The following PPP2R5E variants were observed in gnomAD, a reference collection of about 807,000 sequenced individuals.
The protein encoded by PPP2R5E is protein phosphatase 2 regulatory subunit B'epsilon.
PPP2R5E carries 4 observed loss-of-function variants against 65.3 expected under a neutral mutation model. The ratio of observed to expected loss-of-function variants is 0.06; its 90% CI spans 0.03 to 0.14. The LOEUF (loss-of-function observed/expected upper bound fraction) is 0.14. Ranked by LOEUF, PPP2R5E falls within the 10% of genes least tolerant of loss-of-function variation. PPP2R5E has a pLI of 1.00. For missense variants in PPP2R5E, 274 were observed against 556.1 expected (o/e 0.49, Z 5.10); for synonymous variants, 183 against 187.4 (o/e 0.98, Z 0.19).
chr14:63,381,223 T>G (rs916127324), intron 13 of PPP2R5E, among the ~76,000 whole-genome samples: 3 of 152,242 alleles, frequency 2.0e-5, no homozygotes, highest in African/African-American at 7.2e-5. Context: ...CCATATGGTC[T>G]CAAACATTTC....
At chr14:63,385,823 C>G (rs1035007554) in intron 11 of PPP2R5E, among the ~76,000 whole-genome samples, 1 of 152,176 alleles carries the variant, frequency 6.6e-6, no homozygotes, top group African/African-American at 2.4e-5. Context: ...TTTCTGGTCC[C>G]TTCCTGTGCA....
At chr14:63,387,013 G>C (rs948598588) in intron 11 of PPP2R5E, among the ~76,000 whole-genome samples, 1 of 152,084 alleles carries the variant, frequency 6.6e-6, no homozygotes, top group Non-Finnish European at 1.5e-5. Context: ...ATTCCAGGTA[G>C]AGGGCATTAA....
At chr14:63,421,931 C>A in intron 4 of PPP2R5E, 62 bp downstream of exon 4, 1 of 1,300,736 alleles carries the variant, frequency 7.7e-7, no homozygotes, top group Non-Finnish European at 1.1e-6. Flanking sequence ...AAGGAATTCC[C>A]ATGCTAATCA....
chr14:63,519,413 C>G (rs769489529), intron 2 of PPP2R5E, among the ~76,000 whole-genome samples: 14 of 151,322 alleles, frequency 9.3e-5, no homozygotes, highest in Non-Finnish European at 1.9e-4. Context: ...TGCAGTGGTA[C>G]GATCTCTGCT....
chr14:63,507,826 C>T (rs1486974625), intron 2 of PPP2R5E, among the ~76,000 whole-genome samples: 4 of 152,098 alleles, frequency 2.6e-5, no homozygotes, highest in Admixed American at 6.5e-5. Context: ...GATCCGCCCA[C>T]CTCGGCCTCC....
chr14:63,473,878 A>G (rs1321282532), intron 2 of PPP2R5E, among the ~76,000 whole-genome samples: 1 of 152,244 alleles, frequency 6.6e-6, no homozygotes, highest in Non-Finnish European at 1.5e-5. Context: ...TGAAAAGAAA[A>G]TAGTGAAAGG....
At chr14:63,499,671 G>A (rs1432120428) in intron 2 of PPP2R5E, among the ~76,000 whole-genome samples, 1 of 151,844 alleles carries the variant, frequency 6.6e-6, no homozygotes, top group Non-Finnish European at 1.5e-5. Context: ...AGGTTGTACT[G>A]AGCTGAGATC....
intron 11 of PPP2R5E, among the ~76,000 whole-genome samples, chr14:63,386,352 A>G (rs896571971): frequency 2.0e-5 from 3 of 152,150 alleles, no homozygotes; most frequent in African/African-American, 7.2e-5. Context: ...TTACTTTTCT[A>G]TTTTGTGGAT....
At chr14:63,385,170 AC>A (rs780770733) in intron 11 of PPP2R5E, among the ~76,000 whole-genome samples, 5 of 152,048 alleles carry the variant, frequency 3.3e-5, no homozygotes, top group Non-Finnish European at 5.9e-5. Context: ...CTACAAAAAC[AC>A]AAAAATTAGC....
intron 3 of PPP2R5E, among the ~76,000 whole-genome samples, chr14:63,443,872 A>G (rs1376889295): frequency 1.3e-5 from 2 of 152,166 alleles, no homozygotes; most frequent in African/African-American, 4.8e-5. Flanking sequence ...TTTACCTCCT[A>G]GGTGAATCTC....
At chr14:63,499,597 C>T (rs1037603279) in intron 2 of PPP2R5E, among the ~76,000 whole-genome samples, 14 of 152,164 alleles carry the variant, frequency 9.2e-5, no homozygotes, top group African/African-American at 1.9e-4. Flanking sequence ...GGTGGCACTG[C>T]GTGCCTGTAA....
intron 2 of PPP2R5E, among the ~76,000 whole-genome samples, chr14:63,475,046 A>G (rs1407776806): frequency 6.6e-6 from 1 of 152,256 alleles, no homozygotes; most frequent in Non-Finnish European, 1.5e-5. Context: ...TGTGACATGC[A>G]GGTGGCCCTG....
chr14:63,462,139 C>T (rs528725121), intron 2 of PPP2R5E, among the ~76,000 whole-genome samples: 21 of 151,382 alleles, frequency 1.4e-4, no homozygotes, highest in Middle Eastern at 3.4e-3. Flanking sequence ...GGTGCAATCT[C>T]GGCTCACTGC....
chr14:63,403,952 G>A (rs74060074), intron 5 of PPP2R5E, among the ~76,000 whole-genome samples: 3,525 of 152,192 alleles, frequency 0.023, 147 homozygotes, highest in African/African-American at 0.082. Flanking sequence ...ATGGCTTACA[G>A]TAGGAAGTCA....
At position 63,418,340 on chromosome 14, in the gene PPP2R5E, C is replaced by T; in HGVS notation, c.457-3108G>A. On this transcript the variant is annotated intron_variant, in intron 4 of 13. Transcript: ENST00000337537. ...TGGCAAGGCTTTCCAGCAAGACTGG[C>T]AAAGTGCTCTCTCCTCTCTGGTCAC... Among the ~76,000 whole-genome samples, 2 of 152,174 alleles carry T rather than the reference C, an allele frequency of 1.3e-5. 1 individual carries two copies. The highest frequency in any genetic ancestry group is 2.9e-5 in the Non-Finnish European group (2 of 68,038).
chr14:63,388,944 CTGTGTGGGT>C (rs1277601928), intron 11 of PPP2R5E, among the ~76,000 whole-genome samples: 5 of 152,166 alleles, frequency 3.3e-5, no homozygotes, highest in Non-Finnish European at 7.3e-5. Flanking sequence ...TTCTTCCCTC[CTGTGTGGGT>C]TCCACAGCAC....
Position 63,464,750 on chromosome 14 carries a change from G to A in PPP2R5E, c.158-10865C>T, listed in dbSNP as rs1361080941. Reference sequence around the variant, plus strand: ...AAGAAAATATACTCTGGCCAGGCACGGTGGCTCATGCCTGTAATCCCAGCA... The same window carrying A: ...AAGAAAATATACTCTGGCCAGGCACAGTGGCTCATGCCTGTAATCCCAGCA... On this transcript the variant is annotated intron_variant, in intron 2 of 13. Coordinates refer to ENST00000337537, the MANE Select transcript of PPP2R5E (RefSeq NM_006246.5). Among the ~76,000 whole-genome samples the A allele has an allele frequency of 5.3e-5, 8 of 152,304 alleles. No homozygotes were observed. The East Asian group carries it at 1.5e-3, about 29-fold the overall frequency.
At chr14:63,539,314 T>A (rs963194979) in intron 2 of PPP2R5E, among the ~76,000 whole-genome samples, 1 of 152,242 alleles carries the variant, frequency 6.6e-6, no homozygotes. Context: ...GATATTCTCC[T>A]GATAATGTTT....
intron 2 of PPP2R5E, among the ~76,000 whole-genome samples, chr14:63,500,320 A>G (rs1382211963): frequency 6.6e-6 from 1 of 152,260 alleles, no homozygotes; most frequent in Non-Finnish European, 1.5e-5. Flanking sequence ...TCAGATGGGT[A>G]CATCACCTCT....
Sources: allele counts gnomAD v4.1 joint callset (sites outside exome capture counted in the v4.1 genomes callset), GRCh38; gene constraint gnomAD v4.1.1; transcripts MANE v1.5; gene names NCBI Gene and HGNC (gene_info 2026-07-23, HGNC 2026-07-21).